GPR158: variants seen among roughly 807,000 people sequenced by gnomAD.
GPR158 encodes metabotropic glycine receptor.
A neutral mutation model predicts 78.2 loss-of-function variants in GPR158; 30 were observed. That is an observed-to-expected ratio of 0.38 (90% CI 0.29 to 0.52). The LOEUF (loss-of-function observed/expected upper bound fraction) is 0.52. Ranked by LOEUF, GPR158 falls within the 20% of genes least tolerant of loss-of-function variation. The pLI, the probability that GPR158 is intolerant of heterozygous loss-of-function variation, is 0.83. For synonymous variants in GPR158, 581 were observed against 591.1 expected, an observed-to-expected ratio of 0.98 and a Z score of 0.25; for missense variants, 1,463 against 1,523.5, an observed-to-expected ratio of 0.96 and a Z score of 0.66.
At chr10:25,238,541 T>C (rs1023097280) in intron 2 of GPR158, among the ~76,000 whole-genome samples, 1 of 152,256 alleles carries the variant, frequency 6.6e-6, no homozygotes, top group Non-Finnish European at 1.5e-5. Flanking sequence ...TAGTGTGGTT[T>C]ATTGAGCATT....
rs1380483736 is a variant in GPR158 at position 25,221,156 on chromosome 10, A to C, written c.1007A>C (p.Glu336Ala). Residue 336 changes from glutamate to alanine, a missense_variant and splice_region_variant, in exon 2 of 11, where the codon GAG becomes GCG. By Grantham distance (107) the Glu-to-Ala change is moderately radical. Transcript: ENST00000376351. ...GTHKCHLNNS[E>A]CMPIKGLGFV... ...CATAAATGCCACCTCAACAATTCAGAGGTAAGAAGATGAAAATAAAATCCT... is the reference window on the plus strand; with the variant it reads ...CATAAATGCCACCTCAACAATTCAGCGGTAAGAAGATGAAAATAAAATCCT... The C allele has an allele frequency of 6.2e-6, 9 of 1,450,022 alleles. No homozygotes were observed. Among genetic ancestry groups the C allele is most frequent in the Non-Finnish European group, 8.7e-6 (9 of 1,034,930 alleles). 89.8% of individuals were successfully genotyped at this position (1,450,022 alleles called of 1,614,324 possible).
chr10:25,485,091 A>C (rs1264750152), intron 5 of GPR158, among the ~76,000 whole-genome samples: 1 of 152,048 alleles, frequency 6.6e-6, no homozygotes, highest in Non-Finnish European at 1.5e-5. Context: ...AGATGTTTGA[A>C]ATATAATTAA....
intron 7 of GPR158, among the ~76,000 whole-genome samples, chr10:25,580,905 TTTA>T (rs753397735): frequency 0.048 from 4,830 of 100,010 alleles, 102 homozygotes; most frequent in African/African-American, 0.12. Flanking sequence ...TTTTTATTTT[TTTA>T]TTTTATTTTA....
chr10:25,589,140 A>T lies in GPR158; in HGVS notation c.1887A>T (p.Thr629=). The T allele has an allele frequency of 6.2e-7, 1 of 1,600,966 alleles. No individual in the cohort carries two copies. The highest frequency in any genetic ancestry group is 1.1e-5 in the South Asian group (1 of 89,232). ...NELIISAIFH[T]IRFVLASRLQ... Reference sequence around the variant, plus strand: ...TCATCATCTCTGCTATATTCCATACAATTAGGCAAGTGATCTGTAGAGCTA... The same window carrying T: ...TCATCATCTCTGCTATATTCCATACTATTAGGCAAGTGATCTGTAGAGCTA... Residue 629 remains threonine (T), a synonymous_variant, in exon 8 of 11, where the codon ACA becomes ACT. Coordinates refer to ENST00000376351, the MANE Select transcript of GPR158 (RefSeq NM_020752.3).
chr10:25,295,642 T>C (rs1457235559), intron 2 of GPR158, among the ~76,000 whole-genome samples: 1 of 152,110 alleles, frequency 6.6e-6, no homozygotes, highest in Non-Finnish European at 1.5e-5. Context: ...CTCAATCTTC[T>C]GACCTCGTGA....
chr10:25,460,447 G>A (rs111795711), intron 4 of GPR158, among the ~76,000 whole-genome samples: 4,710 of 152,098 alleles, frequency 0.031, 120 homozygotes, highest in African/African-American at 0.068. Flanking sequence ...CGCCCACCTC[G>A]GCCTCCCTAA....
At chr10:25,339,902 T>C (rs1855278529) in intron 2 of GPR158, among the ~76,000 whole-genome samples, 2 of 152,146 alleles carry the variant, frequency 1.3e-5, no homozygotes, top group African/African-American at 4.8e-5. Context: ...GGGTTCATTT[T>C]GCTTCGCATA....
chr10:25,435,426 G>A (rs1018669595), intron 4 of GPR158, among the ~76,000 whole-genome samples: 4 of 152,054 alleles, frequency 2.6e-5, no homozygotes, highest in Non-Finnish European at 5.9e-5. Flanking sequence ...CCAGGAGGTG[G>A]GGATGGGGGG....
chr10:25,204,183 A>G (rs1032354602), intron 1 of GPR158, among the ~76,000 whole-genome samples: 2 of 152,312 alleles, frequency 1.3e-5, no homozygotes, highest in East Asian at 1.9e-4. Context: ...TAAATATACA[A>G]TCATGTCATC....
intron 2 of GPR158, among the ~76,000 whole-genome samples, chr10:25,357,267 C>G (rs1855567032): frequency 6.6e-6 from 1 of 152,034 alleles, no homozygotes; most frequent in Non-Finnish European, 1.5e-5. Flanking sequence ...TGCAGCCTGA[C>G]AAAGTAATAC....
intron 1 of GPR158, among the ~76,000 whole-genome samples, chr10:25,181,347 A>G (rs1184163525): frequency 6.6e-6 from 1 of 152,246 alleles, no homozygotes; most frequent in East Asian, 1.9e-4. Context: ...TAGGAAGTTT[A>G]GTAAATATTT....
At chr10:25,572,571 C>G (rs778179906) in intron 6 of GPR158, 78 bp from the exon 7 acceptor site, 156 of 956,216 alleles carry the variant, frequency 1.6e-4, no homozygotes, top group Non-Finnish European at 2.4e-4. Context: ...TACATTTTAC[C>G]TAGAAAAATA....
chr10:25,539,705 G>C (rs1331478661), intron 5 of GPR158, among the ~76,000 whole-genome samples: 1 of 151,900 alleles, frequency 6.6e-6, no homozygotes, highest in Non-Finnish European at 1.5e-5. Flanking sequence ...GGGGTAATAG[G>C]AGCCAAATAT....
intron 2 of GPR158, among the ~76,000 whole-genome samples, chr10:25,260,796 G>A (rs1372053062): frequency 6.6e-6 from 1 of 152,076 alleles, no homozygotes; most frequent in Non-Finnish European, 1.5e-5. Context: ...GCAACTGCCA[G>A]CTCCCATGCT....
intron 3 of GPR158, among the ~76,000 whole-genome samples, chr10:25,409,608 TCTA>T (rs1834559255): frequency 6.6e-6 from 1 of 152,256 alleles, no homozygotes. Context: ...TTGATTTACC[TCTA>T]CTTTTTTCCA....
intron 4 of GPR158, among the ~76,000 whole-genome samples, chr10:25,420,361 G>C (rs1053084913): frequency 6.6e-6 from 1 of 151,944 alleles, no homozygotes; most frequent in African/African-American, 2.4e-5. Context: ...CTATGTTGCC[G>C]AGACTGGCCT....
chr10:25,342,240 G>GTT (rs1469016286), intron 2 of GPR158, among the ~76,000 whole-genome samples: 2 of 92,564 alleles, frequency 2.2e-5, no homozygotes, highest in Non-Finnish European at 3.2e-5. Context: ...GAAGGGAACT[G>GTT]TTTTATTTTT....
chr10:25,527,045 G>A (rs1452692965), intron 5 of GPR158, among the ~76,000 whole-genome samples: 1 of 151,552 alleles, frequency 6.6e-6, no homozygotes, highest in African/African-American at 2.4e-5. Context: ...GAAAAAAAGA[G>A]GGACATGTTA....
At chr10:25,317,778 G>C (rs888340295) in intron 2 of GPR158, among the ~76,000 whole-genome samples, 19 of 147,654 alleles carry the variant, frequency 1.3e-4, no homozygotes, top group African/African-American at 5.0e-4. Context: ...ACCCAGGCTG[G>C]AGTGCAATGG....
Sources: gnomAD v4.1 joint callset for allele counts (sites outside exome capture counted in the v4.1 genomes callset) on GRCh38, gnomAD v4.1.1 for gene constraint, MANE v1.5 for transcripts, NCBI Gene and HGNC (gene_info 2026-07-23, HGNC 2026-07-21) for gene names.